CYRIB: variants seen among roughly 807,000 people sequenced by gnomAD.
CYRIB encodes the protein CYFIP-related Rac1 interactor B.
A neutral mutation model predicts 44.2 loss-of-function variants in CYRIB; 8 were observed. That is an observed-to-expected ratio of 0.18 (90% CI 0.11 to 0.33). The LOEUF is 0.33. Among genes scored for constraint, CYRIB ranks in the 10% least tolerant of loss-of-function variants. The probability of loss-of-function intolerance (pLI) is 1.00; values close to 1 mark genes in which losing one functional copy is unlikely to be tolerated. For missense variants in CYRIB, 185 were observed against 382.8 expected, an observed-to-expected ratio of 0.48 and a Z score of 4.31; for synonymous variants, 131 against 127.2, an observed-to-expected ratio of 1.03 and a Z score of -0.20.
intron 10 of CYRIB, 102 bp downstream of exon 12, chr8:129,849,141 G>T: frequency 8.9e-7 from 1 of 1,129,460 alleles, no homozygotes; most frequent in Non-Finnish European, 1.2e-6. Flanking sequence ...ATAAATCTGA[G>T]TTTTGTGAGA....
chr8:129,851,266 G>A (rs1295659810), intron 8 of CYRIB: 1 of 223,020 alleles, frequency 4.5e-6, no homozygotes, highest in Non-Finnish European at 8.8e-6. Flanking sequence ...TTACATGGAG[G>A]AGGGAGGGAA....
intron 11 of CYRIB, among the ~76,000 whole-genome samples, chr8:129,842,522 G>A (rs994670789): frequency 2.0e-5 from 3 of 152,180 alleles, no homozygotes; most frequent in Non-Finnish European, 2.9e-5. Flanking sequence ...CCCAGAGGCT[G>A]GCAAATTATA....
chr8:129,900,841 G>A lies in CYRIB; in HGVS notation c.-11+2471C>T, dbSNP rs1026753112. Among the ~76,000 whole-genome samples the A allele has an allele frequency of 5.3e-5, 8 of 152,122 alleles. No individual in the cohort carries two copies. The East Asian group carries it at 5.8e-4, about 11-fold the overall frequency. ...ATTACAGGTGCGCACAACCATGCCC[G>A]GCTTGTATTTTTAGTAGAGATGGGA... is the stretch of plus-strand genomic sequence containing the variant. On this transcript the variant is annotated intron_variant, in intron 2 of 11. Coordinates refer to ENST00000519824, the Ensembl canonical transcript of CYRIB.
At chr8:129,885,353 T>C (rs1408955566) in intron 2 of CYRIB, among the ~76,000 whole-genome samples, 1 of 152,232 alleles carries the variant, frequency 6.6e-6, no homozygotes, top group Admixed American at 6.5e-5. Flanking sequence ...CTTAAGCATA[T>C]TTATCACAAT....
At chr8:129,903,692 C>T (rs1413670752) in intron 1 of CYRIB, among the ~76,000 whole-genome samples, 1 of 152,168 alleles carries the variant, frequency 6.6e-6, no homozygotes, top group Non-Finnish European at 1.5e-5. Context: ...GTTAGTTATT[C>T]CTCTTTAGTC....
intron 1 of CYRIB, among the ~76,000 whole-genome samples, chr8:129,922,277 G>A (rs1305853301): frequency 2.0e-5 from 3 of 152,068 alleles, no homozygotes; most frequent in Admixed American, 1.3e-4. Context: ...CCAAGGACCC[G>A]TTAATGAATT....
intron 2 of CYRIB, among the ~76,000 whole-genome samples, chr8:129,900,913 A>G (rs1299430495): frequency 6.6e-6 from 1 of 152,140 alleles, no homozygotes; most frequent in Admixed American, 6.5e-5. Context: ...GCCTCAAGTG[A>G]TCCACCCACC....
intron 6 of CYRIB, among the ~76,000 whole-genome samples, chr8:129,855,207 A>G (rs1464486647): frequency 6.6e-6 from 1 of 152,124 alleles, no homozygotes; most frequent in East Asian, 1.9e-4. Context: ...CCTGGCCAAC[A>G]TGGTGAAACC....
chr8:129,843,304 AAGCAGGAGAGGGGT>A (rs1202249250), intron 11 of CYRIB, among the ~76,000 whole-genome samples: 2 of 152,232 alleles, frequency 1.3e-5, no homozygotes. Context: ...GGAGCATATT[AAGCAGGAGAGGGGT>A]GTGCTGCCAC....
intron 1 of CYRIB, among the ~76,000 whole-genome samples, chr8:129,978,843 A>T (rs924264327): frequency 1.7e-4 from 26 of 152,182 alleles, no homozygotes; most frequent in African/African-American, 6.3e-4. Context: ...TTTTAAAAAT[A>T]TATCAATGTT....
At chr8:129,888,992 C>G (rs1026599456) in intron 2 of CYRIB, among the ~76,000 whole-genome samples, 1 of 152,084 alleles carries the variant, frequency 6.6e-6, no homozygotes, top group African/African-American at 2.4e-5. Flanking sequence ...ACTCAGGAGG[C>G]TGAGGCAGGA....
At chr8:129,990,832 G>A (rs1281779748) in intron 1 of CYRIB, among the ~76,000 whole-genome samples, 2 of 151,990 alleles carry the variant, frequency 1.3e-5, no homozygotes, top group Non-Finnish European at 2.9e-5. Flanking sequence ...CCAAGACATG[G>A]TTTAAAGGTA....
chr8:129,871,078 G>A (rs761090701), intron 4 of CYRIB, among the ~76,000 whole-genome samples: 66 of 152,134 alleles, frequency 4.3e-4, no homozygotes, highest in Admixed American at 1.1e-3. Context: ...TGACTGCAAG[G>A]ATGATTTCCA....
intron 1 of CYRIB, among the ~76,000 whole-genome samples, chr8:129,927,921 G>A (rs978129363): frequency 6.6e-6 from 1 of 152,102 alleles, no homozygotes; most frequent in Non-Finnish European, 1.5e-5. Flanking sequence ...TTTCAAAAAT[G>A]GTTCGGAGAC....
intron 10 of CYRIB, among the ~76,000 whole-genome samples, chr8:129,848,363 A>G (rs1276438313): frequency 6.6e-6 from 1 of 152,222 alleles, no homozygotes; most frequent in Non-Finnish European, 1.5e-5. Context: ...GGGAAACGGG[A>G]AGACAATTCT....
At chr8:129,930,627 G>A (rs1349449507) in intron 1 of CYRIB, among the ~76,000 whole-genome samples, 5 of 151,562 alleles carry the variant, frequency 3.3e-5, no homozygotes, top group Non-Finnish European at 7.4e-5. Context: ...TACCATAATG[G>A]AACTTTGGCA....
chr8:129,870,264 AG>A (rs2056576593), intron 4 of CYRIB, among the ~76,000 whole-genome samples: 2 of 152,164 alleles, frequency 1.3e-5, no homozygotes, highest in Non-Finnish European at 2.9e-5. Flanking sequence ...TCTATTTGGC[AG>A]GGGATCAGCC....
chr8:129,855,836 TC>T (rs1174323008), intron 5 of CYRIB, 89 bp from the exon 8 acceptor site: 2 of 1,261,438 alleles, frequency 1.6e-6, no homozygotes, highest in East Asian at 2.5e-5. Context: ...AAATGTTAAT[TC>T]CCAGAAAAGT....
At chr8:129,855,497 G>A in intron 6 of CYRIB, 114 bp downstream of exon 8, 1 of 1,127,818 alleles carries the variant, frequency 8.9e-7, no homozygotes, top group Non-Finnish European at 1.3e-6. Flanking sequence ...TTTTTATTAA[G>A]GTCTAGCAGA....
Sources: allele counts gnomAD v4.1 joint callset (sites outside exome capture counted in the v4.1 genomes callset), GRCh38; gene constraint gnomAD v4.1.1; transcripts MANE v1.5; gene names NCBI Gene and HGNC (gene_info 2026-07-23, HGNC 2026-07-21).